PSG5: variants seen among roughly 807,000 people sequenced by gnomAD.
PSG5 encodes the protein pregnancy specific beta-1-glycoprotein 5, also known as pregnancy-specific beta-1-glycoprotein 5.
Under a neutral mutation model 37.7 loss-of-function variants are expected in PSG5, and 53 were observed. The ratio of observed to expected loss-of-function variants is 1.41; its 90% CI spans 1.13 to 1.77. The LOEUF is 1.77. PSG5 is among the 40% of genes most tolerant of loss of function. The pLI is 0.00. For missense variants in PSG5, 547 were observed against 405.2 expected, an observed-to-expected ratio of 1.35 and a Z score of -3.00; for synonymous variants, 221 against 155.4, an observed-to-expected ratio of 1.42 and a Z score of -3.14.
In PSG5 at chr19:43,184,988, A is replaced by T; in HGVS notation, c.224T>A (p.Leu75His). The change falls in exon 2 of 6, where the codon CTC becomes CAC. Residue 75 changes from leucine to histidine, a missense_variant. By Grantham distance (99) the Leu-to-His change is moderately conservative. Coordinates refer to ENST00000342951, the MANE Select transcript of PSG5 (RefSeq NM_002781.4). Reference protein sequence around the residue: ...YIWYKGQLMDLYHYITSYVVD... With the variant: ...YIWYKGQLMDHYHYITSYVVD... ...TACATATGATGTAATGTAATGGTAG[A>T]GGTCCATCAGTTGTCCTTTGTACCA... 6.2e-7 allele frequency: 1 copy of T among 1,612,570 alleles called. No homozygotes were observed. The highest frequency in any genetic ancestry group is 8.5e-7 in the Non-Finnish European group (1 of 1,179,138).
chr19:43,178,728 T>A (rs534050772), intron 2 of PSG5, among the ~76,000 whole-genome samples: 1 of 151,690 alleles, frequency 6.6e-6, no homozygotes, highest in African/African-American at 2.4e-5. Context: ...AGGCCTACTC[T>A]GTTTTGCCTG....
In PSG5 at chr19:43,170,087, C is replaced by T. The variant is rs2122196988; in HGVS notation, c.*8G>A. The T allele has an allele frequency of 6.3e-7, 1 of 1,579,094 alleles. No homozygotes were observed. Among genetic ancestry groups the T allele is most frequent in the South Asian group, 1.1e-5 (1 of 90,656 alleles). On this transcript the variant is annotated 3_prime_UTR_variant, in exon 5 of 6. Transcript: ENST00000342951. ...TCTTCCTGAAATACAGAAATGACTTCACGGCTGCTATATTGGATTAAGGAG... is the reference window on the plus strand; with the variant it reads ...TCTTCCTGAAATACAGAAATGACTTTACGGCTGCTATATTGGATTAAGGAG...
At chr19:43,183,004 G>C (rs1412815150) in intron 2 of PSG5, among the ~76,000 whole-genome samples, 1 of 150,944 alleles carries the variant, frequency 6.6e-6, no homozygotes, top group Non-Finnish European at 1.5e-5. Flanking sequence ...AGCCTAGTTA[G>C]AGGGAGTGTC....
intron 4 of PSG5, chr19:43,170,473 C>T (rs771796576): frequency 2.2e-6 from 1 of 449,038 alleles, no homozygotes; most frequent in African/African-American, 2.1e-5. Flanking sequence ...TTTTCTCAGT[C>T]TCTCTGTTGT....
intron 2 of PSG5, among the ~76,000 whole-genome samples, chr19:43,182,705 A>ATTTTTTTTTTTTTTT (rs534568803): frequency 8.6e-5 from 5 of 58,472 alleles, no homozygotes; most frequent in African/African-American, 2.1e-4. Context: ...CATTTCAATA[A>ATTTTTTTTTTTTTTT]TTTTTTTTTT....
chr19:43,185,291 A>T, intron 1 of PSG5, 144 bp from the exon 2 acceptor site: 1 of 1,224,240 alleles, frequency 8.2e-7, no homozygotes, highest in African/African-American at 1.5e-5. Context: ...CAAAAGGTGC[A>T]TGTTAGTTTG....
At chr19:43,182,920 T>G (rs1969160734) in intron 2 of PSG5, among the ~76,000 whole-genome samples, 1 of 148,314 alleles carries the variant, frequency 6.7e-6, no homozygotes, top group Non-Finnish European at 1.5e-5. Flanking sequence ...CAACTCCAGG[T>G]GATTTCTGCA....
At chr19:43,178,838 G>C in intron 2 of PSG5, 1 of 1,612,538 alleles carries the variant, frequency 6.2e-7, no homozygotes, top group Non-Finnish European at 8.5e-7. Context: ...ATGTGTATTT[G>C]GGATGGCAGC....
chr19:43,180,800 T>C (rs1969111664), intron 2 of PSG5, among the ~76,000 whole-genome samples: 1 of 76,788 alleles, frequency 1.3e-5, no homozygotes, highest in African/African-American at 7.7e-5. Context: ...TAGCAGCTCC[T>C]TAAGTAGAGA....
intron 2 of PSG5, among the ~76,000 whole-genome samples, chr19:43,182,251 A>T (rs1969144143): frequency 6.6e-6 from 1 of 151,748 alleles, no homozygotes; most frequent in Non-Finnish European, 1.5e-5. Context: ...AGGGAACTGA[A>T]TTCTGCTAAA....
At position 43,168,260 on chromosome 19, in the gene PSG5, A is replaced by G. The variant is rs533953894; in HGVS notation, c.*41-57T>C. Reference sequence around the variant, plus strand: ...GTTAAAAATCTAATGAGAATTTATTATGGTAAAGACACAGCTCACATAGAA... The same window carrying G: ...GTTAAAAATCTAATGAGAATTTATTGTGGTAAAGACACAGCTCACATAGAA... On this transcript the variant is annotated intron_variant, in intron 5 of 5. Coordinates refer to ENST00000342951, the MANE Select transcript of PSG5 (RefSeq NM_002781.4). 38 of 382,028 alleles carry G rather than the reference A, an allele frequency of 9.9e-5. No individual in the cohort carries two copies. The South Asian group carries it at 1.5e-3, about 15-fold the overall frequency. The allele number at this position is 382,028 out of a possible 1,614,324, so 23.7% of individuals were successfully genotyped here. A position where few individuals can be genotyped will look rare whatever the true frequency, so the allele number is the denominator to read the frequency against.
intron 5 of PSG5, among the ~76,000 whole-genome samples, chr19:43,169,110 G>C (rs28719534): frequency 0.21 from 31,454 of 151,368 alleles, 4,233 homozygotes; most frequent in East Asian, 0.6. Flanking sequence ...CCAATGTGTA[G>C]CTCTATTTCC....
chr19:43,184,872 G>T lies in PSG5; in HGVS notation c.340C>A (p.Arg114=). ...NASLLIQNVT[R]EDAGSYTLHI... is the part of the protein sequence containing the mutation. Reference sequence around the variant, plus strand: ...AAGGTGTAGGATCCTGCGTCTTCCCGGGTGACATTCTGGATCAGCAGGGAT... The same window carrying T: ...AAGGTGTAGGATCCTGCGTCTTCCCTGGTGACATTCTGGATCAGCAGGGAT... Residue 114 remains arginine, a synonymous_variant, in exon 2 of 6, where the codon CGG becomes AGG. Transcript: ENST00000342951. The T allele has an allele frequency of 1.2e-6, 2 of 1,612,470 alleles. No individual in the cohort carries two copies. The highest frequency in any genetic ancestry group is 1.7e-6 in the Non-Finnish European group (2 of 1,179,134).
At chr19:43,180,106 T>G (rs1969096465) in intron 2 of PSG5, among the ~76,000 whole-genome samples, 1 of 151,718 alleles carries the variant, frequency 6.6e-6, no homozygotes, top group Non-Finnish European at 1.5e-5. Context: ...TTAGACATTC[T>G]ACTCTCTGAT....
Position 43,184,917 on chromosome 19 carries a change from C to G in PSG5, c.295G>C (p.Glu99Gln), listed in dbSNP as rs760356238. 4 of 1,612,586 alleles carry G rather than the reference C, an allele frequency of 2.5e-6. No homozygotes were observed. The highest frequency in any genetic ancestry group is 3.4e-6 in the Non-Finnish European group (4 of 1,179,170). Reference protein sequence around the residue: ...NIYGPAYTGRETVYSNASLLI... With the variant: ...NIYGPAYTGRQTVYSNASLLI... ...AGGGATGCATTGGAATATACTGTTT[C>G]TCGTCCAGTGTATGCAGGCCCATAT... Residue 99 changes from glutamate (E) to glutamine (Q), a missense_variant, in exon 2 of 6, where the codon GAA (glutamate) becomes CAA (glutamine). Transcript: ENST00000342951.
chr19:43,182,705 A>ATTTT lies in PSG5; in HGVS notation c.430+2073_430+2076dup, dbSNP rs534568803. Among the ~76,000 whole-genome samples, 179 of 58,466 alleles carry ATTTT rather than the reference A, an allele frequency of 3.1e-3. 30 individuals carry two copies. The East Asian group carries it at 0.036, about 12-fold the overall frequency. 38.4% of individuals were successfully genotyped at this position (58,466 alleles called of 152,430 possible). ...TTGACTAGAAACCAACATTTCAATAATTTTTTTTTTTTTTTTTTGTGCAGG... is the reference window on the plus strand; with the variant it reads ...TTGACTAGAAACCAACATTTCAATAATTTTTTTTTTTTTTTTTTTTTTGTGCAGG... On this transcript the variant is annotated intron_variant, in intron 2 of 5. Transcript: ENST00000342951.
At position 43,186,407 on chromosome 19, in the gene PSG5, G is replaced by A; in HGVS notation, c.-2C>T. ...GGGAGGGGCTGAGAGGGGCCCCATG[G>A]TCTCTGCGCCTGCGTGTTCTCCTCT... On this transcript the variant is annotated 5_prime_UTR_variant, in exon 1 of 6. Coordinates refer to ENST00000342951, the MANE Select transcript of PSG5 (RefSeq NM_002781.4). 2 of 1,612,200 alleles carry A rather than the reference G, an allele frequency of 1.2e-6. No individual in the cohort carries two copies. Among genetic ancestry groups the A allele is most frequent in the Non-Finnish European group, 8.5e-7 (1 of 1,178,922 alleles).
At chr19:43,174,659 A>T in intron 4 of PSG5, 2 of 982,446 alleles carry the variant, frequency 2.0e-6, no homozygotes, top group Non-Finnish European at 2.4e-6. Flanking sequence ...ACAGGCCACC[A>T]GGACTCTTTC....
chr19:43,186,106 A>G (rs1966933552), intron 1 of PSG5, among the ~76,000 whole-genome samples: 1 of 151,034 alleles, frequency 6.6e-6, no homozygotes, highest in African/African-American at 2.4e-5. Context: ...CCTCCAGAGT[A>G]GCTAGGATTC....
Sources: gnomAD v4.1 joint callset for allele counts (sites outside exome capture counted in the v4.1 genomes callset) on GRCh38, gnomAD v4.1.1 for gene constraint, MANE v1.5 for transcripts, NCBI Gene and HGNC (gene_info 2026-07-23, HGNC 2026-07-21) for gene names.